The following LAMC1 variants were observed in gnomAD, a reference collection of about 807,000 sequenced individuals.
LAMC1 encodes the protein laminin subunit gamma-1.
In LAMC1, 38 loss-of-function variants were observed where a neutral mutation model predicts 173.6. The ratio of observed to expected loss-of-function variants is 0.22; its 90% CI spans 0.17 to 0.29. The LOEUF is 0.29. LAMC1 is among the 10% of genes least tolerant of loss of function. LAMC1 has a pLI of 1.00. For missense variants in LAMC1, 1,824 were observed against 2,051.8 expected (o/e 0.89, Z 2.14); for synonymous variants, 746 against 749.1 (o/e 1.00, Z 0.07).
At chr1:183,050,608 T>TG (rs1654398233) in intron 1 of LAMC1, among the ~76,000 whole-genome samples, 1 of 135,098 alleles carries the variant, frequency 7.4e-6, no homozygotes, top group Non-Finnish European at 1.6e-5. Flanking sequence ...ATAGAATCAC[T>TG]GGGCCAGGCT....
At chr1:183,036,685 A>G (rs1263859921) in intron 1 of LAMC1, among the ~76,000 whole-genome samples, 1 of 151,806 alleles carries the variant, frequency 6.6e-6, no homozygotes, top group East Asian at 2.0e-4. Flanking sequence ...GCCACTGCGC[A>G]CAGCTGAATG....
chr1:183,129,965 A>C (rs1388807200), intron 18 of LAMC1, among the ~76,000 whole-genome samples: 10 of 152,218 alleles, frequency 6.6e-5, no homozygotes, highest in Non-Finnish European at 8.8e-5. Context: ...TAGGGCTGGC[A>C]GCATTTTTAA....
intron 1 of LAMC1, among the ~76,000 whole-genome samples, chr1:183,048,889 T>C (rs1465944087): frequency 6.6e-6 from 1 of 152,154 alleles, no homozygotes; most frequent in African/African-American, 2.4e-5. Context: ...CTCTCGAAAA[T>C]ACCAGGTATC....
intron 1 of LAMC1, among the ~76,000 whole-genome samples, chr1:183,078,872 G>A (rs1009345268): frequency 1.1e-4 from 16 of 152,100 alleles, no homozygotes; most frequent in Non-Finnish European, 1.9e-4. Flanking sequence ...AATTAGCTGG[G>A]CGTGGTGGTG....
At chr1:183,089,111 G>T (rs1304090021) in intron 1 of LAMC1, among the ~76,000 whole-genome samples, 1 of 152,134 alleles carries the variant, frequency 6.6e-6, no homozygotes. Flanking sequence ...TTTCTTCTAG[G>T]TAGGTGTTGG....
chr1:183,072,479 A>G (rs1461598390), intron 1 of LAMC1, among the ~76,000 whole-genome samples: 2 of 152,222 alleles, frequency 1.3e-5, no homozygotes, highest in Admixed American at 6.5e-5. Flanking sequence ...GGTCACTTCT[A>G]GAACGAATGC....
At chr1:183,105,054 C>CA (rs71573297) in intron 2 of LAMC1, among the ~76,000 whole-genome samples, 46,915 of 125,274 alleles carry the variant, frequency 0.37, 8,984 homozygotes, top group Middle Eastern at 0.52. Context: ...ACTAAAAATA[C>CA]AAAAAAAAAA....
At chr1:183,084,930 T>C (rs964066257) in intron 1 of LAMC1, among the ~76,000 whole-genome samples, 1 of 152,204 alleles carries the variant, frequency 6.6e-6, no homozygotes, top group African/African-American at 2.4e-5. Context: ...TTATTACTTA[T>C]TCAGAGGAAG....
At chr1:183,116,243 C>A (rs1656318098) in intron 6 of LAMC1, among the ~76,000 whole-genome samples, 9 of 152,088 alleles carry the variant, frequency 5.9e-5, no homozygotes, top group Admixed American at 5.9e-4. Flanking sequence ...CTTTGGGAAG[C>A]CGAGGCAGGC....
chr1:183,079,599 C>G (rs946738155), intron 1 of LAMC1, among the ~76,000 whole-genome samples: 1 of 152,068 alleles, frequency 6.6e-6, no homozygotes, highest in Non-Finnish European at 1.5e-5. Context: ...GCCCAGCCCT[C>G]TAATCTGGTC....
chr1:183,134,292 A>G (rs777720731), intron 22 of LAMC1, among the ~76,000 whole-genome samples: 1 of 152,240 alleles, frequency 6.6e-6, no homozygotes, highest in Non-Finnish European at 1.5e-5. Flanking sequence ...ATAATTAGAA[A>G]ATAGGCAGAA....
At chr1:183,085,823 T>C (rs1211273975) in intron 1 of LAMC1, among the ~76,000 whole-genome samples, 1 of 152,198 alleles carries the variant, frequency 6.6e-6, no homozygotes, top group Non-Finnish European at 1.5e-5. Flanking sequence ...GGAAAATTGG[T>C]GATAATTGGT....
intron 1 of LAMC1, among the ~76,000 whole-genome samples, chr1:183,040,842 C>A (rs1654112152): frequency 6.6e-6 from 1 of 152,140 alleles, no homozygotes; most frequent in Non-Finnish European, 1.5e-5. Flanking sequence ...AGCATGCAGT[C>A]CAGTGGGAGA....
chr1:183,030,555 C>T (rs1342075517), intron 1 of LAMC1, among the ~76,000 whole-genome samples: 1 of 152,058 alleles, frequency 6.6e-6, no homozygotes, highest in Admixed American at 6.6e-5. Context: ...TTTATCAGTG[C>T]CATCTCTCCA....
intron 1 of LAMC1, among the ~76,000 whole-genome samples, chr1:183,098,092 C>T (rs12096318): frequency 0.046 from 6,930 of 152,208 alleles, 340 homozygotes; most frequent in African/African-American, 0.12. Context: ...CTTGCTCCCG[C>T]AGCATGTTGA....
intron 24 of LAMC1, among the ~76,000 whole-genome samples, chr1:183,135,966 C>A (rs1656927766): frequency 6.6e-6 from 1 of 151,632 alleles, no homozygotes; most frequent in Non-Finnish European, 1.5e-5. Context: ...AAACCCTGCA[C>A]CCTGCACCAC....
intron 1 of LAMC1, among the ~76,000 whole-genome samples, chr1:183,095,312 GT>G (rs142545643): frequency 0.021 from 3,163 of 151,918 alleles, 59 homozygotes; most frequent in South Asian, 0.08. Flanking sequence ...TTAGAATCTT[GT>G]TTTTCTAATT....
chr1:183,141,827 ATTAT>A (rs1253836137), intron 27 of LAMC1, among the ~76,000 whole-genome samples: 2 of 152,212 alleles, frequency 1.3e-5, no homozygotes, highest in Non-Finnish European at 2.9e-5. Flanking sequence ...ACTTGGGCAA[ATTAT>A]TTAACATCTG....
In LAMC1 at chr1:183,122,097, G is replaced by A. The variant is rs763858735; in HGVS notation, c.2247G>A (p.Pro749=). 22 of 1,613,966 alleles carry A rather than the reference G, an allele frequency of 1.4e-5. No individual in the cohort carries two copies. The highest frequency in any genetic ancestry group is 2.2e-5 in the South Asian group (2 of 91,066). ...ACTGCAGAGACAATACGGCTGGCCC[G>A]CACTGTGAGAAGTGCAGTGATGGGT... The part of the protein sequence containing the change: ...VCNCRDNTAG[P]HCEKCSDGYY... Residue 749 remains proline, a synonymous_variant, in exon 13 of 28, where the codon CCG becomes CCA. Transcript: ENST00000258341.
Sources: gnomAD v4.1 joint callset for allele counts (sites outside exome capture counted in the v4.1 genomes callset) on GRCh38, gnomAD v4.1.1 for gene constraint, MANE v1.5 for transcripts, NCBI Gene and HGNC (gene_info 2026-07-23, HGNC 2026-07-21) for gene names.